Variants in PRKDC observed in about 807,000 individuals in gnomAD.
PRKDC encodes protein kinase, DNA-activated, catalytic subunit, also known as DNA-dependent protein kinase catalytic subunit.
In PRKDC, 82 loss-of-function variants were observed where a neutral mutation model predicts 486.9. The observed-to-expected ratio is 0.17, with a 90% CI of 0.14 to 0.20. PRKDC has a LOEUF of 0.20. PRKDC is among the 10% of genes least tolerant of loss of function. The pLI, the probability that PRKDC is intolerant of heterozygous loss-of-function variation, is 1.00. For synonymous variants in PRKDC, 1,895 were observed against 1,837.0 expected, an observed-to-expected ratio of 1.03 and a Z score of -0.81; for missense variants, 4,504 against 5,038.2, an observed-to-expected ratio of 0.89 and a Z score of 3.21.
chr8:47,831,832 A>G lies in PRKDC; in HGVS notation c.8247T>C (p.Ala2749=). 1.9e-6 allele frequency: 3 copies of G among 1,614,000 alleles called. No individual in the cohort carries two copies. Among genetic ancestry groups the G allele is most frequent in the Non-Finnish European group, 2.5e-6 (3 of 1,179,858 alleles). The stretch of plus-strand genomic sequence containing the variant: ...TACAAACCTTCTCTCGTTTTTGCTC[A>G]GCAACGCCTTTTCTGGCATACATCA... ...LSLMYARKGV[A]EQKREKEIKS... Residue 2749 remains alanine (A), a synonymous_variant, in exon 60 of 86, where the codon GCT becomes GCC. Transcript: ENST00000314191.
intron 10 of PRKDC, among the ~76,000 whole-genome samples, chr8:47,941,909 T>A (rs1392599204): frequency 9.9e-5 from 15 of 152,220 alleles, no homozygotes; most frequent in Non-Finnish European, 2.2e-4. Context: ...GACTGAAAAG[T>A]CTCTGGCAAG....
chr8:47,858,130 G>A (rs1456869414), intron 48 of PRKDC, among the ~76,000 whole-genome samples: 1 of 151,828 alleles, frequency 6.6e-6, no homozygotes, highest in East Asian at 1.9e-4. Context: ...CTCAGCAATT[G>A]CCTAAGAGTC....
intron 7 of PRKDC, among the ~76,000 whole-genome samples, chr8:47,951,100 G>A (rs536400883): frequency 3.2e-4 from 49 of 152,240 alleles, no homozygotes; most frequent in Admixed American, 2.4e-3. Context: ...CAGGTGCAGC[G>A]GCTCACACCT....
intron 71 of PRKDC, among the ~76,000 whole-genome samples, chr8:47,799,998 T>A (rs1373715485): frequency 6.6e-6 from 1 of 152,152 alleles, no homozygotes; most frequent in African/African-American, 2.4e-5. Context: ...AAATTTAAAA[T>A]TCATGATTTT....
chr8:47,860,724 T>C (rs988222388), intron 45 of PRKDC, among the ~76,000 whole-genome samples, 175 bp downstream of exon 45: 2 of 152,252 alleles, frequency 1.3e-5, no homozygotes, highest in Non-Finnish European at 2.9e-5. Context: ...TTTCAAAATA[T>C]AATTCCATTT....
intron 45 of PRKDC, 26 bp downstream of exon 45, chr8:47,860,873 T>G (rs2088663224): frequency 1.3e-6 from 2 of 1,562,924 alleles, no homozygotes; most frequent in Admixed American, 3.6e-5. Context: ...TTTGAATCCT[T>G]TCTCATGATT....
intron 17 of PRKDC, 64 bp from the exon 18 acceptor site, chr8:47,930,076 G>C (rs2090225125): frequency 9.2e-6 from 13 of 1,407,804 alleles, no homozygotes; most frequent in Non-Finnish European, 1.3e-5. Flanking sequence ...AAATTGTAAG[G>C]GACATAATCG....
At chr8:47,864,105 A>T (rs2088744220) in intron 41 of PRKDC, among the ~76,000 whole-genome samples, 1 of 151,896 alleles carries the variant, frequency 6.6e-6, no homozygotes, top group Non-Finnish European at 1.5e-5. Flanking sequence ...TTTGGATTGT[A>T]CAGGTGGGTA....
intron 35 of PRKDC, 116 bp downstream of exon 35, chr8:47,887,431 A>G: frequency 2.0e-6 from 2 of 982,092 alleles, no homozygotes; most frequent in South Asian, 7.2e-5. Context: ...AAATCATACA[A>G]TACTTGTCCA....
chr8:47,798,363 T>G lies in PRKDC; in HGVS notation c.10332A>C (p.Ala3444=). The change falls in exon 73 of 86, where the codon GCA becomes GCC. Residue 3444 remains alanine, a synonymous_variant. Coordinates refer to ENST00000314191, the MANE Select transcript of PRKDC (RefSeq NM_006904.7). ...IDSAELQAYP[A]LVVEKMLKAL... is the part of the protein sequence containing the mutation. ...CTTTCAACATTTTCTCCACCACAAG[T>G]GCTGGATACGCCTGCAGTTCTGCAG... 1.2e-6 allele frequency: 2 copies of G among 1,610,930 alleles called. No individual in the cohort carries two copies. Among genetic ancestry groups the G allele is most frequent in the African/African-American group, 1.3e-5 (1 of 74,924 alleles).
chr8:47,900,578 G>A, intron 27 of PRKDC, 111 bp from the exon 28 acceptor site: 2 of 1,007,652 alleles, frequency 2.0e-6, no homozygotes, highest in Non-Finnish European at 2.8e-6. Flanking sequence ...TTTGTTTTTT[G>A]TGGCCGGGTG....
chr8:47,879,586 G>C lies in PRKDC; in HGVS notation c.5140C>G (p.Leu1714Val). 3 of 1,596,544 alleles carry C rather than the reference G, an allele frequency of 1.9e-6. No individual in the cohort carries two copies. Among genetic ancestry groups the C allele is most frequent in the Non-Finnish European group, 2.6e-6 (3 of 1,171,592 alleles). ...AAGTGAGCAACGATGAGCTGCTCCAGAACACGTCTAAGTTCCTCCAGACTG... is the reference window on the plus strand; with the variant it reads ...AAGTGAGCAACGATGAGCTGCTCCACAACACGTCTAAGTTCCTCCAGACTG... ...GGSLEELRRV[L>V]EQLIVAHFPM... Residue 1714 changes from leucine (L) to valine (V), a missense_variant, in exon 39 of 86, where the codon CTG becomes GTG. Physicochemically the swap from Leu to Val is conservative, Grantham distance 32. Transcript: ENST00000314191.
At chr8:47,797,818 G>A (rs1322565906) in intron 73 of PRKDC, among the ~76,000 whole-genome samples, 4 of 152,224 alleles carry the variant, frequency 2.6e-5, no homozygotes, top group Non-Finnish European at 5.9e-5. Context: ...ACACCGTGCT[G>A]CTGGCAGATG....
Position 47,918,392 on chromosome 8 carries a change from A to G in PRKDC, c.2420-9T>C, listed in dbSNP as rs1032792889. The G allele has an allele frequency of 5.3e-6, 8 of 1,496,820 alleles. No homozygotes were observed. Among genetic ancestry groups the G allele is most frequent in the Non-Finnish European group, 7.2e-6 (8 of 1,112,628 alleles). The allele number at this position is 1,496,820 out of a possible 1,614,324, so 92.7% of individuals were successfully genotyped here. A position where few individuals can be genotyped will look rare whatever the true frequency, so the allele number is the denominator to read the frequency against. On this transcript the variant is annotated splice_polypyrimidine_tract_variant and intron_variant, in intron 21 of 85. Coordinates refer to ENST00000314191, the MANE Select transcript of PRKDC (RefSeq NM_006904.7). The stretch of plus-strand genomic sequence containing the variant: ...GTTATTCTTGGTCTCATCTATCAAT[A>G]GTAAACGAAAATAAATTTAAAATAG...
chr8:47,820,194 C>G (rs1427269524), intron 66 of PRKDC, among the ~76,000 whole-genome samples: 1 of 152,114 alleles, frequency 6.6e-6, no homozygotes, highest in Admixed American at 6.5e-5. Flanking sequence ...AGGTGAATCA[C>G]CTGACGTCAG....
chr8:47,836,322 G>C lies in PRKDC; in HGVS notation c.7951+16C>G. 6.5e-7 allele frequency: 1 copy of C among 1,541,276 alleles called. No homozygotes were observed. Among genetic ancestry groups the C allele is most frequent in the Non-Finnish European group, 8.8e-7 (1 of 1,141,320 alleles). ...AGGGTGCTGTATACATGGCCAGCGG[G>C]CAGGGTCACTGTTACCTGCAGTCTG... is the stretch of plus-strand genomic sequence containing the variant. On this transcript the variant is annotated intron_variant, in intron 58 of 85. Coordinates refer to ENST00000314191, the MANE Select transcript of PRKDC (RefSeq NM_006904.7).
At chr8:47,921,254 C>CA (rs200876983) in intron 21 of PRKDC, among the ~76,000 whole-genome samples, 1,871 of 139,200 alleles carry the variant, frequency 0.013, 134 homozygotes, top group Admixed American at 0.11. Flanking sequence ...GACTCCATCT[C>CA]AAAAAAAAAA....
At chr8:47,816,394 G>A (rs2087447208) in intron 68 of PRKDC, among the ~76,000 whole-genome samples, 1 of 152,034 alleles carries the variant, frequency 6.6e-6, no homozygotes, top group Admixed American at 6.6e-5. Context: ...AGCCTTTCAG[G>A]GGACTAAAAA....
chr8:47,931,505 T>G (rs1296254029), intron 16 of PRKDC, among the ~76,000 whole-genome samples: 5 of 152,130 alleles, frequency 3.3e-5, no homozygotes, highest in Non-Finnish European at 5.9e-5. Flanking sequence ...AGTTTTTTTT[T>G]TTTTTAATAA....
Sources: allele counts gnomAD v4.1 joint callset (sites outside exome capture counted in the v4.1 genomes callset), GRCh38; gene constraint gnomAD v4.1.1; transcripts MANE v1.5; gene names NCBI Gene and HGNC (gene_info 2026-07-23, HGNC 2026-07-21).